Variants in EPHA6 observed in about 807,000 individuals in gnomAD.
EPHA6 encodes EPH receptor A6.
A neutral mutation model predicts 112.0 loss-of-function variants in EPHA6; 50 were observed. The ratio of observed to expected loss-of-function variants is 0.45; its 90% CI spans 0.36 to 0.56. EPHA6 has a LOEUF of 0.56. Ranked by LOEUF, EPHA6 falls within the 20% of genes least tolerant of loss-of-function variation. EPHA6 has a pLI of 0.00. For synonymous variants in EPHA6, 529 were observed against 490.7 expected (o/e 1.08, Z -1.03); for missense variants, 1,280 against 1,417.4 (o/e 0.90, Z 1.56).
intron 11 of EPHA6, among the ~76,000 whole-genome samples, chr3:97,545,652 G>T (rs577523643): frequency 6.6e-6 from 1 of 152,110 alleles, no homozygotes; most frequent in Non-Finnish European, 1.5e-5. Flanking sequence ...TCTGTCTAAT[G>T]TTGACAGTGG....
At chr3:97,622,172 AT>A (rs1553840806) in intron 13 of EPHA6, among the ~76,000 whole-genome samples, 1 of 151,818 alleles carries the variant, frequency 6.6e-6, no homozygotes, top group Non-Finnish European at 1.5e-5. Flanking sequence ...GCAGAACTCT[AT>A]TTATCTGGCA....
chr3:97,190,936 A>T (rs924868991), intron 3 of EPHA6, among the ~76,000 whole-genome samples: 1 of 152,100 alleles, frequency 6.6e-6, no homozygotes. Context: ...CAAGGATGAG[A>T]ATAATTATTA....
At chr3:96,823,092 G>T (rs1384870658) in intron 1 of EPHA6, among the ~76,000 whole-genome samples, 2 of 151,510 alleles carry the variant, frequency 1.3e-5, no homozygotes, top group African/African-American at 2.4e-5. Context: ...ATTAGTCTTG[G>T]TAGCACCTTA....
At chr3:97,363,131 GA>G (rs2084467294) in intron 5 of EPHA6, among the ~76,000 whole-genome samples, 1 of 119,050 alleles carries the variant, frequency 8.4e-6, no homozygotes, top group Non-Finnish European at 1.7e-5. Context: ...GATTTTAATA[GA>G]AAACATCAAA....
intron 13 of EPHA6, among the ~76,000 whole-genome samples, chr3:97,622,273 GGCAAACA>G (rs1216604522): frequency 6.6e-6 from 1 of 151,668 alleles, no homozygotes; most frequent in African/African-American, 2.4e-5. Context: ...CCCAGCCCCT[GGCAAACA>G]GCATTCCGCT....
chr3:96,977,303 G>A (rs915368901), intron 2 of EPHA6, among the ~76,000 whole-genome samples: 6 of 152,076 alleles, frequency 3.9e-5, no homozygotes, highest in Non-Finnish European at 5.9e-5. Context: ...TTTATAAGTG[G>A]GAGCTAAATA....
intron 10 of EPHA6, among the ~76,000 whole-genome samples, chr3:97,492,574 A>ACTGTG (rs2091873926): frequency 8.6e-6 from 1 of 115,660 alleles, no homozygotes; most frequent in African/African-American, 2.8e-5. Flanking sequence ...AAAAAAAAAA[A>ACTGTG]AAAAAAAAAA....
At chr3:97,293,352 C>T (rs1338342511) in intron 5 of EPHA6, among the ~76,000 whole-genome samples, 1 of 152,016 alleles carries the variant, frequency 6.6e-6, no homozygotes, top group East Asian at 1.9e-4. Context: ...CTCCTTTTGG[C>T]AGGCAGGTCA....
chr3:97,024,664 T>C (rs1259993127), intron 3 of EPHA6, among the ~76,000 whole-genome samples: 3 of 152,202 alleles, frequency 2.0e-5, no homozygotes, highest in African/African-American at 7.2e-5. Context: ...TTTTTTTAAC[T>C]CACACTTTCT....
At chr3:97,185,803 G>T (rs1209854667) in intron 3 of EPHA6, among the ~76,000 whole-genome samples, 2 of 152,000 alleles carry the variant, frequency 1.3e-5, no homozygotes, top group African/African-American at 4.8e-5. Flanking sequence ...GCAAAGACTT[G>T]GAACCAAGCC....
intron 5 of EPHA6, among the ~76,000 whole-genome samples, chr3:97,331,486 A>C (rs142141961): frequency 0.024 from 3,718 of 152,270 alleles, 74 homozygotes; most frequent in Non-Finnish European, 0.037. Context: ...GATCAACAAA[A>C]TTGATAGACC....
At chr3:96,970,530 A>G (rs1421519255) in intron 2 of EPHA6, among the ~76,000 whole-genome samples, 2 of 152,028 alleles carry the variant, frequency 1.3e-5, no homozygotes. Context: ...TCATTACTTG[A>G]GCAGGAGTAG....
intron 3 of EPHA6, among the ~76,000 whole-genome samples, chr3:97,122,756 A>G (rs934318342): frequency 1.3e-5 from 2 of 152,066 alleles, no homozygotes; most frequent in African/African-American, 4.8e-5. Context: ...AATTCTTTAT[A>G]TACAAGCCAG....
intron 3 of EPHA6, among the ~76,000 whole-genome samples, chr3:96,994,990 T>G (rs2043367366): frequency 6.6e-6 from 1 of 151,946 alleles, no homozygotes; most frequent in African/African-American, 2.4e-5. Flanking sequence ...GCTTTAAAAC[T>G]TTTTTTCTAG....
intron 14 of EPHA6, among the ~76,000 whole-genome samples, chr3:97,700,313 C>T (rs184165424): frequency 6.6e-6 from 1 of 152,262 alleles, no homozygotes; most frequent in Non-Finnish European, 1.5e-5. Context: ...AATTAATTCC[C>T]CCGCGCTTCC....
chr3:96,942,472 G>A (rs778599409), intron 2 of EPHA6, among the ~76,000 whole-genome samples: 1 of 152,180 alleles, frequency 6.6e-6, no homozygotes, highest in Non-Finnish European at 1.5e-5. Context: ...GAAAAGCGCA[G>A]TATTAGGGTG....
At chr3:96,980,405 G>A (rs940271690) in intron 2 of EPHA6, among the ~76,000 whole-genome samples, 3 of 152,072 alleles carry the variant, frequency 2.0e-5, no homozygotes, top group East Asian at 1.9e-4. Flanking sequence ...TGTTCCATTG[G>A]TCTATATCTC....
At chr3:97,545,496 A>G (rs192361648) in intron 11 of EPHA6, among the ~76,000 whole-genome samples, 12 of 152,246 alleles carry the variant, frequency 7.9e-5, no homozygotes, top group East Asian at 1.9e-4. Flanking sequence ...TGTGTGGTCA[A>G]TTTTGGAATA....
intron 10 of EPHA6, among the ~76,000 whole-genome samples, chr3:97,519,222 G>A (rs1424136125): frequency 5.3e-5 from 8 of 152,052 alleles, no homozygotes; most frequent in Admixed American, 3.9e-4. Flanking sequence ...ATGGATGTCC[G>A]ATTTTTACAG....
Sources: gnomAD v4.1 joint callset for allele counts (sites outside exome capture counted in the v4.1 genomes callset) on GRCh38, gnomAD v4.1.1 for gene constraint, MANE v1.5 for transcripts, NCBI Gene and HGNC (gene_info 2026-07-23, HGNC 2026-07-21) for gene names.